Variants in KALRN observed in about 807,000 individuals in gnomAD.
KALRN encodes kalirin.
A neutral mutation model predicts 353.7 loss-of-function variants in KALRN; 70 were observed. That is an observed-to-expected ratio of 0.20 (90% CI 0.16 to 0.24). The LOEUF (loss-of-function observed/expected upper bound fraction) is 0.24, where lower values mean the gene tolerates loss of function less well. Ranked by LOEUF, KALRN falls within the 10% of genes least tolerant of loss-of-function variation. The pLI, the probability that KALRN is intolerant of heterozygous loss-of-function variation, is 1.00. For missense variants in KALRN, 2,791 were observed against 3,756.7 expected (o/e 0.74, Z 6.72); for synonymous variants, 1,391 against 1,434.8 (o/e 0.97, Z 0.69).
In KALRN at chr3:124,563,009, G is replaced by T. The variant is rs775653956; in HGVS notation, c.5102G>T (p.Gly1701Val). 2.2e-6 allele frequency: 3 copies of T among 1,367,772 alleles called. No individual in the cohort carries two copies. Among genetic ancestry groups the T allele is most frequent in the Non-Finnish European group, 2.9e-6 (3 of 1,022,006 alleles). 84.7% of individuals were successfully genotyped at this position (1,367,772 alleles called of 1,614,324 possible). The change falls in exon 34 of 60, where the codon GGT (glycine) becomes GTT (valine). Residue 1701 changes from glycine to valine, a missense_variant. Physicochemically the swap from Gly to Val is moderately radical, Grantham distance 109. Transcript: ENST00000682506. The part of the protein sequence containing the change: ...RTTERSPPLE[G>V]LVPSSALCIS... ...ACCGAACGGAGCCCGCCCTTGGAGG[G>T]TCTGGTCCCCAGCAGCGCCCTGTGC...
Position 124,686,698 on chromosome 3 carries a change from G to A in KALRN, c.7378-7106G>A, listed in dbSNP as rs528883390. 3.3e-5 allele frequency among the ~76,000 whole-genome samples: 5 copies of A among 150,624 alleles called. No homozygotes were observed. In the East Asian group the frequency reaches 9.8e-4, roughly 30 times the overall value. On this transcript the variant is annotated intron_variant, in intron 51 of 59. Transcript: ENST00000682506. ...AGGACCTGCTAGGAAGCCAGGACTT[G>A]ATCCATGGACTCCAAGGAACAGCAG...
chr3:124,434,832 T>C (rs188159498), intron 17 of KALRN, among the ~76,000 whole-genome samples: 1 of 152,362 alleles, frequency 6.6e-6, no homozygotes, highest in African/African-American at 2.4e-5. Flanking sequence ...GTTACCACCA[T>C]AGTGCTGTGT....
chr3:124,362,877 G>C (rs545476614), intron 10 of KALRN, among the ~76,000 whole-genome samples: 65 of 152,238 alleles, frequency 4.3e-4, no homozygotes, highest in African/African-American at 1.4e-3. Context: ...CCCAAGGTCA[G>C]TTTCATTTGC....
intron 1 of KALRN, among the ~76,000 whole-genome samples, chr3:124,106,167 G>C (rs1420837770): frequency 1.3e-5 from 2 of 152,182 alleles, no homozygotes; most frequent in Non-Finnish European, 2.9e-5. Context: ...AGATGGAAGT[G>C]GTAGACTGGA....
chr3:124,659,598 A>T (rs2084554098), intron 43 of KALRN, 141 bp downstream of exon 43: 1 of 602,694 alleles, frequency 1.7e-6, no homozygotes, highest in Non-Finnish European at 3.0e-6. Context: ...GGTGGTAGGG[A>T]CGTGGGAACT....
intron 1 of KALRN, among the ~76,000 whole-genome samples, chr3:124,223,237 A>G (rs2078114954): frequency 6.6e-6 from 1 of 152,020 alleles, no homozygotes; most frequent in Admixed American, 6.6e-5. Flanking sequence ...GTAAGTGGTC[A>G]ATATAGAATT....
chr3:124,632,081 A>G (rs772171663), intron 34 of KALRN, among the ~76,000 whole-genome samples: 19 of 151,996 alleles, frequency 1.3e-4, no homozygotes, highest in Non-Finnish European at 2.4e-4. Context: ...TTGATGTAGC[A>G]CTTCTCACCA....
Position 124,705,181 on chromosome 3 carries a change from A to T in KALRN, c.8075+3065A>T, listed in dbSNP as rs1479093132. Among the ~76,000 whole-genome samples the T allele has an allele frequency of 3.9e-5, 6 of 152,232 alleles. 1 individual carries two copies. Among genetic ancestry groups the T allele is most frequent in the African/African-American group, 1.2e-4 (5 of 41,462 alleles). On this transcript the variant is annotated intron_variant, in intron 57 of 59. Transcript: ENST00000682506. ...TGCCTATACCCATTGCTATATAAAA[A>T]GGTAGCAGTACCAGGCCTCCAGGTC... is the stretch of plus-strand genomic sequence containing the variant.
chr3:124,598,576 A>T (rs1438677365), intron 34 of KALRN, among the ~76,000 whole-genome samples: 3 of 152,082 alleles, frequency 2.0e-5, no homozygotes, highest in Non-Finnish European at 4.4e-5. Context: ...GGGGCATCAT[A>T]TATAGGTCCT....
intron 34 of KALRN, among the ~76,000 whole-genome samples, chr3:124,566,504 CAA>C (rs3057177): frequency 0.095 from 12,978 of 136,196 alleles, 695 homozygotes; most frequent in South Asian, 0.13. Context: ...AACCCTGTCT[CAA>C]AAAAAAAAAA....
intron 33 of KALRN, 50 bp from the exon 34 acceptor site, chr3:124,562,793 C>A (rs550184649): frequency 2.8e-5 from 36 of 1,277,432 alleles, no homozygotes; most frequent in South Asian, 1.8e-4. Flanking sequence ...ATTTCTCCCC[C>A]CTTCCTCCAT....
intron 25 of KALRN, among the ~76,000 whole-genome samples, chr3:124,471,256 T>TTTATTATTATTA (rs139584790): frequency 1.1e-3 from 157 of 138,810 alleles, no homozygotes; most frequent in South Asian, 1.7e-3. Context: ...CCCACAAAGT[T>TTTATTATTATTA]TTATTATTAT....
intron 11 of KALRN, among the ~76,000 whole-genome samples, chr3:124,392,156 C>A (rs771374611): frequency 2.4e-4 from 37 of 152,132 alleles, no homozygotes; most frequent in Non-Finnish European, 4.6e-4. Flanking sequence ...AACAAGCAAT[C>A]CTCCCGCCTC....
intron 6 of KALRN, among the ~76,000 whole-genome samples, chr3:124,320,614 C>T (rs537227634): frequency 6.6e-6 from 1 of 152,336 alleles, no homozygotes; most frequent in Non-Finnish European, 1.5e-5. Flanking sequence ...TCTGAGCGCT[C>T]TGGATGTGGC....
At position 124,264,582 on chromosome 3, in the gene KALRN, G is replaced by C. The variant is rs145976211; in HGVS notation, c.348G>C (p.Thr116=). ...ACCTCATCAAGCCCCTCCTCAAAAC[G>C]CTGCAGGAAGCCTTTCCAGCTGAGA... is the stretch of plus-strand genomic sequence containing the variant. ...KWDLIKPLLK[T]LQEAFPAEIH... The change falls in exon 4 of 60, where the codon ACG becomes ACC. Residue 116 remains threonine, a synonymous_variant. Transcript: ENST00000682506. 2 of 1,614,106 alleles carry C rather than the reference G, an allele frequency of 1.2e-6. No homozygotes were observed. Among genetic ancestry groups the C allele is most frequent in the Non-Finnish European group, 1.7e-6 (2 of 1,180,020 alleles).
chr3:124,671,735 C>T lies in KALRN; in HGVS notation c.6779C>T (p.Pro2260Leu), dbSNP rs2086480760. The stretch of plus-strand genomic sequence containing the variant: ...ATGAGGTCTCAACCTGCCAGGCTTC[C>T]CCAAGCCAGCCCCAGGCCCTACTCC... ...AVMRSQPARLPQASPRPYSSV... is the reference protein window; with the variant it reads ...AVMRSQPARLLQASPRPYSSV... The change falls in exon 48 of 60, where the codon CCC becomes CTC. Residue 2260 changes from proline to leucine, a missense_variant. Physicochemically the swap from Pro to Leu is moderately conservative, Grantham distance 98. This residue lies in a region of KALRN where 1,065 missense variants were observed against 1,156.4 expected (regional missense o/e 0.92). Coordinates refer to ENST00000682506, the MANE Select transcript of KALRN (RefSeq NM_001388419.1). 1 of 1,614,120 alleles carries T rather than the reference C, an allele frequency of 6.2e-7. No homozygotes were observed. The highest frequency in any genetic ancestry group is 8.5e-7 in the Non-Finnish European group (1 of 1,180,002).
At position 124,033,489 on chromosome 3, in the gene KALRN, G is replaced by C. The variant is rs1338204311; in HGVS notation, c.-252G>C. 1.3e-5 allele frequency among the ~76,000 whole-genome samples: 2 copies of C among 151,838 alleles called. No individual in the cohort carries two copies. Among genetic ancestry groups the C allele is most frequent in the Non-Finnish European group, 2.9e-5 (2 of 67,886 alleles). ...GCCCCAGCCAGACAGCAGGCGGCCA[G>C]CGCCCTGGGGAAGGGGTACCATGGG... On this transcript the variant is annotated 5_prime_UTR_variant, in exon 1 of 60. Transcript: ENST00000682506. This position sits in a 1 kb window ranked among gnomAD's most constrained non-coding sequence, Gnocchi z 6.2.
chr3:124,303,681 G>T (rs1446095943), intron 6 of KALRN, among the ~76,000 whole-genome samples: 2 of 152,118 alleles, frequency 1.3e-5, no homozygotes, highest in Admixed American at 1.3e-4. Context: ...AATATGAAAT[G>T]ATATTCATTT....
At position 124,062,909 on chromosome 3, in the gene KALRN, G is replaced by A. The variant is rs1286785610; in HGVS notation, c.73+29096G>A. Among the ~76,000 whole-genome samples the A allele has an allele frequency of 1.1e-4, 17 of 152,264 alleles. No homozygotes were observed. The East Asian group carries it at 1.5e-3, about 14-fold the overall frequency. On this transcript the variant is annotated intron_variant, in intron 1 of 59. Coordinates refer to ENST00000682506, the MANE Select transcript of KALRN (RefSeq NM_001388419.1). Reference sequence around the variant, plus strand: ...GTAGGATTGGAAACCTGGTCACCTCGGAGCACTGAGGGATGTAAAGGAAAA... The same window carrying A: ...GTAGGATTGGAAACCTGGTCACCTCAGAGCACTGAGGGATGTAAAGGAAAA...
Sources: gnomAD v4.1 joint callset for allele counts (sites outside exome capture counted in the v4.1 genomes callset) on GRCh38, gnomAD v4.1.1 for gene constraint, gnomAD v4.1.1 regional missense constraint, Gnocchi (gnomAD v3.1) non-coding constraint, MANE v1.5 for transcripts, NCBI Gene and HGNC (gene_info 2026-07-23, HGNC 2026-07-21) for gene names.